Variants in NCKAP5 observed in about 807,000 individuals in gnomAD.
The protein encoded by NCKAP5 is nck-associated protein 5.
Under a neutral mutation model 167.0 loss-of-function variants are expected in NCKAP5, and 92 were observed. The ratio of observed to expected loss-of-function variants is 0.55; its 90% CI spans 0.47 to 0.66. The LOEUF (loss-of-function observed/expected upper bound fraction) is 0.66, where lower values mean the gene tolerates loss of function less well. Among genes scored for constraint, NCKAP5 ranks in the 30% least tolerant of loss-of-function variants. The pLI is 0.00. For missense variants in NCKAP5, 2,378 were observed against 2,315.0 expected, an observed-to-expected ratio of 1.03 and a Z score of -0.56; for synonymous variants, 891 against 877.4, an observed-to-expected ratio of 1.02 and a Z score of -0.27.
At chr2:133,201,734 A>G (rs950539056) in intron 5 of NCKAP5, among the ~76,000 whole-genome samples, 3 of 152,184 alleles carry the variant, frequency 2.0e-5, no homozygotes, top group African/African-American at 4.8e-5. Context: ...GAAAGAAAGT[A>G]TCATGCTTCA....
At chr2:132,839,269 T>G (rs73956961) in intron 11 of NCKAP5, among the ~76,000 whole-genome samples, 10,573 of 152,292 alleles carry the variant, frequency 0.069, 722 homozygotes, top group African/African-American at 0.16. Flanking sequence ...GTATGGTCTC[T>G]CATATTATTT....
rs778635535 is a variant in NCKAP5, at chr2:133,213,723, C to T, written c.200G>A (p.Gly67Glu). ...QREVAQRTSE[G>E]AMHEKLIHEL... is the part of the protein sequence containing the mutation. ...ACGGCAGTCAGGACTTACCATGGCC[C>T]CCTCACTTGTTCTTTGGGCAACTTC... The change falls in exon 5 of 20, where the codon GGG becomes GAG. Residue 67 changes from glycine to glutamate, a missense_variant. Physicochemically the swap from Gly to Glu is moderately conservative, Grantham distance 98 (BLOSUM62 -2). Coordinates refer to ENST00000409261, the MANE Select transcript of NCKAP5 (RefSeq NM_207363.3). 12 of 1,613,570 alleles carry T rather than the reference C, an allele frequency of 7.4e-6. No individual in the cohort carries two copies. The East Asian group carries it at 1.8e-4, about 24-fold the overall frequency.
At chr2:132,707,544 C>A (rs78117566) in intron 19 of NCKAP5, among the ~76,000 whole-genome samples, 1 of 152,044 alleles carries the variant, frequency 6.6e-6, no homozygotes, top group African/African-American at 2.4e-5. Context: ...CAATGGAGTG[C>A]GTACATCACC....
At chr2:133,346,205 A>G (rs1683966357) in intron 3 of NCKAP5, among the ~76,000 whole-genome samples, 1 of 152,208 alleles carries the variant, frequency 6.6e-6, no homozygotes, top group Admixed American at 6.5e-5. Flanking sequence ...TACAACCCTC[A>G]AATCCAAGCC....
chr2:132,968,605 C>T (rs1207791337), intron 7 of NCKAP5, among the ~76,000 whole-genome samples: 1 of 152,140 alleles, frequency 6.6e-6, no homozygotes, highest in African/African-American at 2.4e-5. Context: ...TGTCAAGGCA[C>T]TCAGTGGTAG....
intron 6 of NCKAP5, among the ~76,000 whole-genome samples, chr2:133,095,932 C>T (rs1479885678): frequency 1.3e-5 from 2 of 152,174 alleles, no homozygotes; most frequent in Admixed American, 6.5e-5. Flanking sequence ...CCTCTTTGTA[C>T]ACACGGTGGA....
chr2:132,955,017 T>A (rs1401297362), intron 8 of NCKAP5, among the ~76,000 whole-genome samples: 1 of 152,204 alleles, frequency 6.6e-6, no homozygotes, highest in Non-Finnish European at 1.5e-5. Context: ...AAGACAGGGA[T>A]GTCTGGTGTT....
chr2:132,741,415 G>A (rs1679183743), intron 16 of NCKAP5, among the ~76,000 whole-genome samples: 1 of 152,056 alleles, frequency 6.6e-6, no homozygotes, highest in African/African-American at 2.4e-5. Flanking sequence ...ACGTAAGAGT[G>A]GGCTAATGTG....
chr2:133,017,408 A>G (rs1445316035), intron 6 of NCKAP5, among the ~76,000 whole-genome samples: 5 of 152,192 alleles, frequency 3.3e-5, no homozygotes, highest in Admixed American at 1.3e-4. Flanking sequence ...CTAATGTAGA[A>G]CCAGAAGGCT....
At chr2:133,134,500 T>C (rs2082718257) in intron 5 of NCKAP5, among the ~76,000 whole-genome samples, 1 of 152,236 alleles carries the variant, frequency 6.6e-6, no homozygotes, top group Admixed American at 6.5e-5. Context: ...AACACACATG[T>C]TATACCAGAG....
chr2:133,386,423 T>C (rs566023874), intron 3 of NCKAP5, among the ~76,000 whole-genome samples: 4 of 152,242 alleles, frequency 2.6e-5, no homozygotes, highest in African/African-American at 9.6e-5. Context: ...CAGTTTGTTA[T>C]AATTTCTCTT....
chr2:133,238,332 T>C (rs1399668483), intron 4 of NCKAP5, among the ~76,000 whole-genome samples: 1 of 152,148 alleles, frequency 6.6e-6, no homozygotes, highest in African/African-American at 2.4e-5. Context: ...ACATGGGTCA[T>C]GGCGAAGGCA....
intron 19 of NCKAP5, among the ~76,000 whole-genome samples, chr2:132,693,915 C>T (rs989966622): frequency 1.3e-5 from 2 of 151,918 alleles, no homozygotes; most frequent in African/African-American, 4.8e-5. Flanking sequence ...TGAGCCACCG[C>T]GCCCAGCCCC....
At chr2:132,757,990 C>A (rs79061340) in intron 16 of NCKAP5, among the ~76,000 whole-genome samples, 1 of 152,154 alleles carries the variant, frequency 6.6e-6, no homozygotes, top group Non-Finnish European at 1.5e-5. Flanking sequence ...ACTGCATACA[C>A]CCTAGGGATT....
At chr2:133,246,132 G>T (rs2087978094) in intron 4 of NCKAP5, among the ~76,000 whole-genome samples, 1 of 152,026 alleles carries the variant, frequency 6.6e-6, no homozygotes, top group Non-Finnish European at 1.5e-5. Context: ...CAATAGGAAT[G>T]ATTCCAGGGA....
chr2:133,495,165 C>T (rs1286708002), intron 3 of NCKAP5, among the ~76,000 whole-genome samples: 3 of 152,180 alleles, frequency 2.0e-5, no homozygotes, highest in East Asian at 1.9e-4. Flanking sequence ...AACCAACATA[C>T]ATCTTACATG....
chr2:133,002,951 T>C (rs1317003852), intron 6 of NCKAP5, among the ~76,000 whole-genome samples: 6 of 152,208 alleles, frequency 3.9e-5, no homozygotes, highest in African/African-American at 1.2e-4. Flanking sequence ...CCAGCAAGAC[T>C]GAAGGGGCTA....
chr2:132,722,840 G>T, intron 19 of NCKAP5, among the ~76,000 whole-genome samples: 1 of 151,868 alleles, frequency 6.6e-6, no homozygotes, highest in East Asian at 1.9e-4. Context: ...TTTTGAGACG[G>T]CGTCTTGCTG....
chr2:133,033,047 T>C (rs1042033265), intron 6 of NCKAP5, among the ~76,000 whole-genome samples: 3 of 152,202 alleles, frequency 2.0e-5, no homozygotes, highest in African/African-American at 7.2e-5. Context: ...TGAGATTTGG[T>C]TGAAGACACA....
Sources: allele counts gnomAD v4.1 joint callset (sites outside exome capture counted in the v4.1 genomes callset), GRCh38; gene constraint gnomAD v4.1.1; transcripts MANE v1.5; gene names NCBI Gene and HGNC (gene_info 2026-07-23, HGNC 2026-07-21).